The following MTUS2 variants were observed in gnomAD, a reference collection of about 807,000 sequenced individuals.
MTUS2 encodes microtubule associated scaffold protein 2, also known as microtubule-associated tumor suppressor candidate 2.
A neutral mutation model predicts 114.1 loss-of-function variants in MTUS2; 40 were observed. That is an observed-to-expected ratio of 0.35 (90% CI 0.27 to 0.46). The LOEUF (loss-of-function observed/expected upper bound fraction) is 0.46. Ranked by LOEUF, MTUS2 falls within the 20% of genes least tolerant of loss-of-function variation. The pLI is 1.00. For synonymous variants in MTUS2, 688 were observed against 672.0 expected (o/e 1.02, Z -0.37); for missense variants, 1,679 against 1,705.4 (o/e 0.98, Z 0.27).
chr13:28,991,958 T>A (rs915421816), intron 2 of MTUS2, among the ~76,000 whole-genome samples: 10 of 152,176 alleles, frequency 6.6e-5, no homozygotes, highest in Admixed American at 2.6e-4. Context: ...AGCCTAGGCT[T>A]GGCTGAAGCT....
chr13:29,244,711 C>T lies in MTUS2; in HGVS notation c.2645-36993C>T, dbSNP rs528525666. Among the ~76,000 whole-genome samples the T allele has an allele frequency of 1.4e-3, 211 of 152,088 alleles. 1 individual carries two copies. Among genetic ancestry groups the T allele is most frequent in the African/African-American group, 4.7e-3 (196 of 41,508 alleles). On this transcript the variant is annotated intron_variant, in intron 5 of 15. Coordinates refer to ENST00000612955, the MANE Select transcript of MTUS2 (RefSeq NM_001033602.4). ...GTGGCTCACGCCTGTAATCCCAGCACTTTGGGAGGCCGAGGCGGGCGGATC... is the reference window on the plus strand; with the variant it reads ...GTGGCTCACGCCTGTAATCCCAGCATTTTGGGAGGCCGAGGCGGGCGGATC...
At chr13:28,902,167 C>T (rs1275471311) in intron 2 of MTUS2, among the ~76,000 whole-genome samples, 1 of 152,092 alleles carries the variant, frequency 6.6e-6, no homozygotes, top group African/African-American at 2.4e-5. Context: ...TTGATATTTA[C>T]ATGTTGATCA....
At chr13:29,407,319 T>C (rs1185241662) in intron 8 of MTUS2, among the ~76,000 whole-genome samples, 1 of 152,132 alleles carries the variant, frequency 6.6e-6, no homozygotes, top group Non-Finnish European at 1.5e-5. Context: ...TTTTTAAACA[T>C]GTCAAGTTGT....
chr13:29,387,100 C>T (rs1274717353), intron 8 of MTUS2, among the ~76,000 whole-genome samples: 2 of 152,182 alleles, frequency 1.3e-5, no homozygotes, highest in Non-Finnish European at 2.9e-5. Context: ...GGTAGCAGCT[C>T]CTGCCCTGAC....
intron 1 of MTUS2, among the ~76,000 whole-genome samples, chr13:28,830,943 C>T (rs1269761084): frequency 1.3e-5 from 2 of 151,990 alleles, no homozygotes; most frequent in Admixed American, 6.6e-5. Context: ...CAAAAAAGAA[C>T]AAAAGATTAA....
At chr13:29,065,457 G>A (rs1888621292) in intron 4 of MTUS2, among the ~76,000 whole-genome samples, 1 of 151,818 alleles carries the variant, frequency 6.6e-6, no homozygotes. Context: ...CATATCGTTT[G>A]CATGCTTTTT....
chr13:28,927,885 C>T (rs1407696341), intron 2 of MTUS2, among the ~76,000 whole-genome samples: 1 of 152,084 alleles, frequency 6.6e-6, no homozygotes, highest in Non-Finnish European at 1.5e-5. Context: ...GCTACAGTAA[C>T]CAAATCAGCA....
At chr13:29,160,376 A>AT (rs1714303352) in intron 5 of MTUS2, among the ~76,000 whole-genome samples, 1 of 152,246 alleles carries the variant, frequency 6.6e-6, no homozygotes, top group Non-Finnish European at 1.5e-5. Context: ...AGTATATAAT[A>AT]CATATAACAT....
At chr13:29,395,679 G>A (rs761152997) in intron 8 of MTUS2, among the ~76,000 whole-genome samples, 9 of 152,174 alleles carry the variant, frequency 5.9e-5, no homozygotes, top group Non-Finnish European at 1.2e-4. Flanking sequence ...AGTCCACTAG[G>A]CTTTGCTGGA....
chr13:29,293,078 A>G (rs892928431), intron 6 of MTUS2, among the ~76,000 whole-genome samples: 13 of 152,194 alleles, frequency 8.5e-5, no homozygotes, highest in Admixed American at 1.3e-4. Flanking sequence ...TTTTAGTATG[A>G]CATAAAACCT....
chr13:29,189,105 T>G (rs1894342544), intron 5 of MTUS2, among the ~76,000 whole-genome samples: 1 of 152,184 alleles, frequency 6.6e-6, no homozygotes, highest in Non-Finnish European at 1.5e-5. Context: ...GGAATTAGTG[T>G]TCCTAGAATT....
At position 28,886,868 on chromosome 13, in the gene MTUS2, G is replaced by T. The variant is rs572929118; in HGVS notation, c.-243+47018G>T. On this transcript the variant is annotated intron_variant, in intron 2 of 15. Transcript: ENST00000612955. Reference sequence around the variant, plus strand: ...ATGCAGAATGATGGCCATGGGCACAGCAGTTTAGGATTAGGTGAACTGTGA... The same window carrying T: ...ATGCAGAATGATGGCCATGGGCACATCAGTTTAGGATTAGGTGAACTGTGA... 6.6e-5 allele frequency among the ~76,000 whole-genome samples: 10 copies of T among 152,338 alleles called. No individual in the cohort carries two copies. The East Asian group carries it at 1.9e-3, about 29-fold the overall frequency.
intron 5 of MTUS2, among the ~76,000 whole-genome samples, chr13:29,248,177 C>T (rs1177557977): frequency 2.0e-5 from 3 of 150,858 alleles, no homozygotes; most frequent in Non-Finnish European, 4.4e-5. Flanking sequence ...TGTTCTCACT[C>T]AAAAGCGGGA....
At chr13:29,092,243 A>G (rs567972225) in intron 4 of MTUS2, among the ~76,000 whole-genome samples, 2 of 152,210 alleles carry the variant, frequency 1.3e-5, no homozygotes, top group South Asian at 4.1e-4. Flanking sequence ...ATTGATTCTA[A>G]CCCTTCACCC....
At chr13:29,007,826 G>T (rs1285499352) in intron 2 of MTUS2, among the ~76,000 whole-genome samples, 2 of 152,086 alleles carry the variant, frequency 1.3e-5, no homozygotes, top group Admixed American at 1.3e-4. Flanking sequence ...AACTGTTTAT[G>T]TTATCCATAA....
intron 5 of MTUS2, among the ~76,000 whole-genome samples, chr13:29,253,655 G>T (rs1405814240): frequency 6.6e-6 from 1 of 151,998 alleles, no homozygotes; most frequent in Non-Finnish European, 1.5e-5. Context: ...ATTCTAACAG[G>T]AGGAGACCGT....
At chr13:28,987,935 G>A (rs1437315146) in intron 2 of MTUS2, among the ~76,000 whole-genome samples, 1 of 152,156 alleles carries the variant, frequency 6.6e-6, no homozygotes, top group Non-Finnish European at 1.5e-5. Flanking sequence ...GTGACTTCTG[G>A]GCTAGGGGAA....
intron 2 of MTUS2, among the ~76,000 whole-genome samples, chr13:28,848,468 G>A (rs1448818095): frequency 6.6e-6 from 1 of 151,886 alleles, no homozygotes; most frequent in African/African-American, 2.4e-5. Context: ...AATGATAATA[G>A]TCAAAAGGAT....
intron 5 of MTUS2, among the ~76,000 whole-genome samples, chr13:29,116,804 C>A (rs1891107631): frequency 6.6e-6 from 1 of 152,048 alleles, no homozygotes. Flanking sequence ...TGATTCCCAT[C>A]CTGGATGGGA....
Sources: gnomAD v4.1 joint callset for allele counts (sites outside exome capture counted in the v4.1 genomes callset) on GRCh38, gnomAD v4.1.1 for gene constraint, MANE v1.5 for transcripts, NCBI Gene and HGNC (gene_info 2026-07-23, HGNC 2026-07-21) for gene names.